Variants in KLF15 observed in about 807,000 individuals in gnomAD.
KLF15 encodes Krueppel-like factor 15.
KLF15 carries 4 observed loss-of-function variants against 24.6 expected under a neutral mutation model. That is an observed-to-expected ratio of 0.16 (90% CI 0.08 to 0.37). The LOEUF (loss-of-function observed/expected upper bound fraction) is 0.37, where lower values mean the gene tolerates loss of function less well. KLF15 is among the 10% of genes least tolerant of loss of function. The probability of loss-of-function intolerance (pLI) is 1.00; values close to 1 mark genes in which losing one functional copy is unlikely to be tolerated. For missense variants in KLF15, 496 were observed against 560.6 expected, an observed-to-expected ratio of 0.88 and a Z score of 1.16; for synonymous variants, 246 against 236.3, an observed-to-expected ratio of 1.04 and a Z score of -0.37.
the KLF15 span, among the ~76,000 whole-genome samples, chr3:126,294,439 C>T: frequency 6.6e-6 from 1 of 152,176 alleles, no homozygotes; most frequent in Non-Finnish European, 1.5e-5. Flanking sequence ...TCATCGTCTT[C>T]GTCTCTCATT....
At chr3:126,316,507 T>TCCACAG in the KLF15 span, among the ~76,000 whole-genome samples, 1 of 39,830 alleles carries the variant, frequency 2.5e-5, no homozygotes, top group African/African-American at 1.5e-4. Context: ...GGACTGGGAG[T>TCCACAG]GCATGAGCTG....
downstream of KLF15, among the ~76,000 whole-genome samples, chr3:126,342,387 C>T (rs2082486036): frequency 2.0e-5 from 3 of 152,182 alleles, no homozygotes; most frequent in African/African-American, 7.2e-5. Context: ...GGAATGTGGG[C>T]TGGATTTGGG....
intron 1 of KLF15, chr3:126,354,095 G>T (rs2082611639): frequency 6.6e-6 from 1 of 152,350 alleles, no homozygotes; most frequent in South Asian, 2.1e-4. Context: ...TGCCTGGACT[G>T]GCCGCTGGTG....
chr3:126,320,041 A>G, the KLF15 span, among the ~76,000 whole-genome samples: 1 of 152,128 alleles, frequency 6.6e-6, no homozygotes, highest in Admixed American at 6.5e-5. Flanking sequence ...ATCAGTGTAG[A>G]CCAGGCTTAA....
the KLF15 span, among the ~76,000 whole-genome samples, chr3:126,295,112 G>A: frequency 6.6e-6 from 1 of 152,014 alleles, no homozygotes; most frequent in African/African-American, 2.4e-5. Flanking sequence ...ACACACATAT[G>A]TACACACATG....
intron 2 of KLF15, among the ~76,000 whole-genome samples, chr3:126,345,564 C>CACACACAA (rs2082529041): frequency 6.6e-6 from 1 of 151,514 alleles, no homozygotes; most frequent in South Asian, 2.1e-4. Context: ...CACACACACA[C>CACACACAA]ACACACAGGC....
At chr3:126,291,538 T>C in the KLF15 span, among the ~76,000 whole-genome samples, 1 of 152,226 alleles carries the variant, frequency 6.6e-6, no homozygotes, top group Non-Finnish European at 1.5e-5. Flanking sequence ...CTTTGGCTGG[T>C]CAATAAGTAA....
chr3:126,344,907 A>G (rs545732578), intron 2 of KLF15, among the ~76,000 whole-genome samples: 1 of 152,284 alleles, frequency 6.6e-6, no homozygotes, highest in African/African-American at 2.4e-5. Context: ...AGCTGCATCG[A>G]GGGCCTGGAC....
intron 1 of KLF15, among the ~76,000 whole-genome samples, chr3:126,354,982 G>C (rs1483819463): frequency 6.6e-6 from 1 of 152,226 alleles, no homozygotes; most frequent in Non-Finnish European, 1.5e-5. Flanking sequence ...TCAGGATCTG[G>C]CACACCGGCA....
the KLF15 span, among the ~76,000 whole-genome samples, chr3:126,307,957 G>A: frequency 6.6e-6 from 1 of 152,148 alleles, no homozygotes; most frequent in African/African-American, 2.4e-5. Context: ...GGGTTTGGCT[G>A]TGCCCGCAGC....
the KLF15 span, among the ~76,000 whole-genome samples, chr3:126,318,319 C>A: frequency 3.0e-4 from 45 of 152,290 alleles, no homozygotes; most frequent in African/African-American, 1.0e-3. Context: ...TCCCCTCATT[C>A]CCTTCCATAT....
the KLF15 span, among the ~76,000 whole-genome samples, chr3:126,334,149 C>T: frequency 1.3e-5 from 2 of 152,116 alleles, no homozygotes; most frequent in East Asian, 3.9e-4. Context: ...ACACCTATTC[C>T]AAAATTGACC....
At chr3:126,333,562 C>A in the KLF15 span, among the ~76,000 whole-genome samples, 1 of 131,082 alleles carries the variant, frequency 7.6e-6, no homozygotes, top group African/African-American at 3.0e-5. Flanking sequence ...ATCAAATTCA[C>A]ACATAACAAT....
At chr3:126,341,508 A>G (rs1468727923), downstream of KLF15, among the ~76,000 whole-genome samples, 1 of 152,214 alleles carries the variant, frequency 6.6e-6, no homozygotes, top group Non-Finnish European at 1.5e-5. Flanking sequence ...TTGCTTCCCT[A>G]GAGTGTGTTT....
the KLF15 span, among the ~76,000 whole-genome samples, chr3:126,297,607 C>G: frequency 6.6e-6 from 1 of 152,180 alleles, no homozygotes; most frequent in African/African-American, 2.4e-5. Flanking sequence ...TCACCCACCT[C>G]TCCCCACACG....
the KLF15 span, among the ~76,000 whole-genome samples, chr3:126,309,940 C>A: frequency 6.6e-6 from 1 of 152,234 alleles, no homozygotes; most frequent in Non-Finnish European, 1.5e-5. Flanking sequence ...GACTATAACC[C>A]TGAGCCCGTT....
the KLF15 span, among the ~76,000 whole-genome samples, chr3:126,294,249 G>A: frequency 6.6e-6 from 1 of 152,058 alleles, no homozygotes; most frequent in Non-Finnish European, 1.5e-5. Context: ...TCTTGGTTAG[G>A]GTGGTGCCTG....
Position 126,343,719 on chromosome 3 carries a change from G to A in KLF15, c.*8C>T, listed in dbSNP as rs745636880. ...GGGGTGACGGACAGGCTGGGGTTCAGGGCGCTTTCAGTTCACGGAGCGCAC... is the reference window on the plus strand; with the variant it reads ...GGGGTGACGGACAGGCTGGGGTTCAAGGCGCTTTCAGTTCACGGAGCGCAC... On this transcript the variant is annotated 3_prime_UTR_variant, in exon 3 of 3. Transcript: ENST00000296233. 2.1e-5 allele frequency: 33 copies of A among 1,609,068 alleles called. No homozygotes were observed. Among genetic ancestry groups the A allele is most frequent in the Non-Finnish European group, 2.8e-5 (33 of 1,178,732 alleles).
At chr3:126,349,284 C>T (rs2082562052) in intron 2 of KLF15, among the ~76,000 whole-genome samples, 1 of 152,196 alleles carries the variant, frequency 6.6e-6, no homozygotes, top group Admixed American at 6.5e-5. Context: ...AGGGCCAGAC[C>T]CACTCCAGGG....
Sources: gnomAD v4.1 joint callset for allele counts (sites outside exome capture counted in the v4.1 genomes callset) on GRCh38, gnomAD v4.1.1 for gene constraint, MANE v1.5 for transcripts, NCBI Gene and HGNC (gene_info 2026-07-23, HGNC 2026-07-21) for gene names.